The following COMMD7 variants were observed in gnomAD, a reference collection of about 807,000 sequenced individuals.
The protein encoded by COMMD7 is COMM domain containing 7.
In COMMD7, 28 loss-of-function variants were observed where a neutral mutation model predicts 34.8. That is an observed-to-expected ratio of 0.80 (90% CI 0.60 to 1.10). The LOEUF (loss-of-function observed/expected upper bound fraction) is 1.10. COMMD7 is among the 50% of genes least tolerant of loss of function. COMMD7 has a pLI of 0.00. For synonymous variants in COMMD7, 80 were observed against 86.4 expected, an observed-to-expected ratio of 0.93 and a Z score of 0.41; for missense variants, 211 against 241.6, an observed-to-expected ratio of 0.87 and a Z score of 0.84.
intron 3 of COMMD7, among the ~76,000 whole-genome samples, chr20:32,725,988 G>A (rs866046280): frequency 1.7e-4 from 26 of 150,776 alleles, no homozygotes; most frequent in African/African-American, 5.1e-4. Context: ...ACTTAAGCCC[G>A]GGAGGCGGAG....
intron 3 of COMMD7, among the ~76,000 whole-genome samples, chr20:32,717,099 G>A (rs1017291061): frequency 6.6e-6 from 1 of 152,010 alleles, no homozygotes; most frequent in Admixed American, 6.6e-5. Flanking sequence ...CCAAAGTGCT[G>A]GGATTACAGG....
At chr20:32,730,293 G>A (rs1308205288) in intron 1 of COMMD7, among the ~76,000 whole-genome samples, 5 of 152,014 alleles carry the variant, frequency 3.3e-5, no homozygotes, top group African/African-American at 4.8e-5. Flanking sequence ...GGTGGCTCAC[G>A]CATGTAATCC....
At chr20:32,721,072 C>A (rs1985125486) in intron 3 of COMMD7, among the ~76,000 whole-genome samples, 1 of 152,154 alleles carries the variant, frequency 6.6e-6, no homozygotes, top group Non-Finnish European at 1.5e-5. Context: ...AGATAAAAAA[C>A]ATATCTCAGA....
At chr20:32,704,202 G>A (rs559265929) in intron 7 of COMMD7, 131 bp from the exon 8 acceptor site, 10 of 839,150 alleles carry the variant, frequency 1.2e-5, no homozygotes, top group African/African-American at 8.7e-5. Flanking sequence ...ATCCACCACC[G>A]AAAATTCTAA....
intron 3 of COMMD7, among the ~76,000 whole-genome samples, chr20:32,715,973 G>A (rs1236931446): frequency 6.6e-6 from 1 of 152,154 alleles, no homozygotes; most frequent in Non-Finnish European, 1.5e-5. Context: ...AGTGAAGTGA[G>A]CACCTTATTA....
chr20:32,735,458 A>C (rs1452914411), intron 1 of COMMD7, among the ~76,000 whole-genome samples: 2 of 151,326 alleles, frequency 1.3e-5, no homozygotes, highest in African/African-American at 2.4e-5. Flanking sequence ...CTGGGATTAT[A>C]AGCGTGCACT....
chr20:32,740,241 C>T (rs1403367358), intron 1 of COMMD7, among the ~76,000 whole-genome samples: 1 of 148,614 alleles, frequency 6.7e-6, no homozygotes, highest in Non-Finnish European at 1.5e-5. Context: ...GGCGTGAACC[C>T]GGGAGGCGGA....
chr20:32,739,828 A>C (rs755151024), intron 1 of COMMD7, among the ~76,000 whole-genome samples: 1 of 139,256 alleles, frequency 7.2e-6, no homozygotes, highest in Non-Finnish European at 1.6e-5. Flanking sequence ...GACTACCCTG[A>C]CCAACATGGC....
intron 1 of COMMD7, among the ~76,000 whole-genome samples, chr20:32,733,906 C>T (rs968921356): frequency 5.3e-5 from 8 of 149,898 alleles, no homozygotes; most frequent in South Asian, 2.1e-4. Flanking sequence ...AGGCCGGGTG[C>T]GGTGGCTCAC....
chr20:32,720,586 G>A (rs1268384659), intron 3 of COMMD7, among the ~76,000 whole-genome samples: 2 of 152,174 alleles, frequency 1.3e-5, no homozygotes, highest in African/African-American at 4.8e-5. Context: ...AAGGCAGACA[G>A]ATCGCTTAAG....
chr20:32,733,800 GCT>G, intron 1 of COMMD7, among the ~76,000 whole-genome samples: 5 of 151,340 alleles, frequency 3.3e-5, no homozygotes, highest in African/African-American at 4.8e-5. Flanking sequence ...CAGGAGAATT[GCT>G]TGAACCTGGG....
chr20:32,725,971 G>C (rs1169424512), intron 3 of COMMD7, among the ~76,000 whole-genome samples: 1 of 150,958 alleles, frequency 6.6e-6, no homozygotes, highest in African/African-American at 2.4e-5. Flanking sequence ...GCTGATACGG[G>C]AGGATCACTT....
intron 1 of COMMD7, among the ~76,000 whole-genome samples, chr20:32,738,345 T>G (rs1049983657): frequency 6.6e-6 from 1 of 152,074 alleles, no homozygotes; most frequent in Non-Finnish European, 1.5e-5. Context: ...TCCCAACACT[T>G]TGGGAGGCCG....
In COMMD7 at chr20:32,737,837, TA is replaced by T. The variant is rs11473460; in HGVS notation, c.84+5470del. Among the ~76,000 whole-genome samples, 168 of 141,184 alleles carry T rather than the reference TA, an allele frequency of 1.2e-3. 1 individual carries two copies. Among genetic ancestry groups the T allele is most frequent in the East Asian group, 1.9e-3 (9 of 4,838 alleles). 92.6% of individuals were successfully genotyped at this position (141,184 alleles called of 152,430 possible). A position where few individuals can be genotyped will look rare whatever the true frequency, so the allele number is the denominator to read the frequency against. ...TTGGCAACAGAGTGAGGTCCTGTCT[TA>T]AAAAAAAAAAAAGAAAATGAGTCAA... is the stretch of plus-strand genomic sequence containing the variant. On this transcript the variant is annotated intron_variant, in intron 1 of 8. Coordinates refer to ENST00000278980, the MANE Select transcript of COMMD7 (RefSeq NM_053041.3).
intron 3 of COMMD7, among the ~76,000 whole-genome samples, chr20:32,708,213 G>T (rs951718134): frequency 2.0e-5 from 3 of 152,110 alleles, no homozygotes; most frequent in African/African-American, 7.2e-5. Context: ...TGTTTAACCT[G>T]CAGGCTACAT....
At chr20:32,719,943 C>A (rs1419023625) in intron 3 of COMMD7, among the ~76,000 whole-genome samples, 2 of 151,936 alleles carry the variant, frequency 1.3e-5, no homozygotes, top group Non-Finnish European at 2.9e-5. Flanking sequence ...AAAGCCTCAA[C>A]AAAACAAAGG....
Position 32,704,496 on chromosome 20 carries a change from CAA to C in COMMD7, c.428-9_428-8del, listed in dbSNP as rs59379723. On this transcript the variant is annotated splice_polypyrimidine_tract_variant and splice_region_variant and intron_variant, in intron 6 of 8. Transcript: ENST00000278980. ...TCGCTGCTCCCAGATGTCACTGTGA[CAA>C]AAAAAAAAAAAAAGAGAGAGAGAGA... The C allele has an allele frequency of 0.092, 120,044 of 1,310,660 alleles. 73 individuals carry two copies. Among genetic ancestry groups the C allele is most frequent in the East Asian group, 0.17 (6,412 of 38,406 alleles). 81.2% of individuals were successfully genotyped at this position (1,310,660 alleles called of 1,614,324 possible).
intron 3 of COMMD7, among the ~76,000 whole-genome samples, chr20:32,710,649 A>G (rs544585053): frequency 6.6e-6 from 1 of 151,084 alleles, no homozygotes; most frequent in Admixed American, 6.7e-5. Context: ...GGATGGCTTG[A>G]GCCCAGGAGG....
rs55911529 is a variant in COMMD7, at chr20:32,714,824, A to AAACAACAACAACAACAACAACAAC, written c.242-8088_242-8065dup. On this transcript the variant is annotated intron_variant, in intron 3 of 8. Coordinates refer to ENST00000278980, the MANE Select transcript of COMMD7 (RefSeq NM_053041.3). The stretch of plus-strand genomic sequence containing the variant: ...GGGCAACAGAGTGAGACTCCATCTC[A>AAACAACAACAACAACAACAACAAC]AACAACAACAACAACAACAACAACA... Among the ~76,000 whole-genome samples, 453 of 139,778 alleles carry AAACAACAACAACAACAACAACAAC rather than the reference A, an allele frequency of 3.2e-3. 3 individuals are homozygous for AAACAACAACAACAACAACAACAAC. The highest frequency in any genetic ancestry group is 5.4e-3 in the Non-Finnish European group (355 of 65,498). 91.7% of individuals were successfully genotyped at this position (139,778 alleles called of 152,430 possible).
Sources: gnomAD v4.1 joint callset for allele counts (sites outside exome capture counted in the v4.1 genomes callset) on GRCh38, gnomAD v4.1.1 for gene constraint, MANE v1.5 for transcripts, NCBI Gene and HGNC (gene_info 2026-07-23, HGNC 2026-07-21) for gene names.